CTNNA2: variants seen among roughly 807,000 people sequenced by gnomAD.
CTNNA2 encodes catenin alpha-2.
A neutral mutation model predicts 101.0 loss-of-function variants in CTNNA2; 42 were observed. The observed-to-expected ratio is 0.42, with a 90% CI of 0.32 to 0.54. The LOEUF is 0.54. Ranked by LOEUF, CTNNA2 falls within the 20% of genes least tolerant of loss-of-function variation. The pLI, the probability that CTNNA2 is intolerant of heterozygous loss-of-function variation, is 0.14. For synonymous variants in CTNNA2, 450 were observed against 456.4 expected, an observed-to-expected ratio of 0.99 and a Z score of 0.18; for missense variants, 871 against 1,223.1, an observed-to-expected ratio of 0.71 and a Z score of 4.29.
At chr2:80,512,716 A>G (rs1688805383) in intron 9 of CTNNA2, among the ~76,000 whole-genome samples, 1 of 151,872 alleles carries the variant, frequency 6.6e-6, no homozygotes, top group Admixed American at 6.6e-5. Flanking sequence ...AAGAATCACT[A>G]CATTTGTTCA....
chr2:80,361,038 G>A (rs1215738034), intron 7 of CTNNA2, among the ~76,000 whole-genome samples: 4 of 151,804 alleles, frequency 2.6e-5, no homozygotes, highest in Admixed American at 2.6e-4. Flanking sequence ...TATGAACAAG[G>A]TCCTCACATT....
At chr2:80,372,695 T>C (rs76372224) in intron 7 of CTNNA2, among the ~76,000 whole-genome samples, 35,773 of 151,470 alleles carry the variant, frequency 0.24, 4,317 homozygotes, top group East Asian at 0.37. Flanking sequence ...TTTTTTTTTT[T>C]TTATTGAGCC....
intron 1 of CTNNA2, among the ~76,000 whole-genome samples, chr2:79,604,278 A>G (rs1052854583): frequency 6.6e-6 from 1 of 152,200 alleles, no homozygotes; most frequent in African/African-American, 2.4e-5. Context: ...AGGTGGGAAG[A>G]TGGCATGAGG....
chr2:79,355,201 G>C (rs1203636875), intron 3 of CTNNA2, among the ~76,000 whole-genome samples: 1 of 152,006 alleles, frequency 6.6e-6, no homozygotes, highest in Non-Finnish European at 1.5e-5. Flanking sequence ...AGGTTGGTTT[G>C]GCTATTTGGG....
intron 7 of CTNNA2, among the ~76,000 whole-genome samples, chr2:80,325,905 A>G (rs1347837601): frequency 6.6e-6 from 1 of 152,180 alleles, no homozygotes; most frequent in African/African-American, 2.4e-5. Context: ...TGATTGGTTT[A>G]TGGTTACATT....
At chr2:79,818,007 T>C (rs1511196) in intron 3 of CTNNA2, among the ~76,000 whole-genome samples, 14,118 of 152,264 alleles carry the variant, frequency 0.093, 1,037 homozygotes, top group East Asian at 0.36. Context: ...GCTTCAATTT[T>C]TAATTTACTC....
Position 80,639,535 on chromosome 2 carries a change from G to GTGTGTGTGTGTGTGTGTGTC in CTNNA2, c.2575-8045_2575-8044insGTGTGTGTGTGTGTCTGTGT, listed in dbSNP as rs1224617726. On this transcript the variant is annotated intron_variant, in intron 18 of 18. Transcript: ENST00000402739. Reference sequence around the variant, plus strand: ...TTGATGTGTGTGTGTGTGTGTGTGTGTGTGTCTGTGTTTTTAACAATAAAT... The same window carrying GTGTGTGTGTGTGTGTGTGTC: ...TTGATGTGTGTGTGTGTGTGTGTGTGTGTGTGTGTGTGTGTGTGTCTGTGTCTGTGTTTTTAACAATAAAT... Among the ~76,000 whole-genome samples, 703 of 151,906 alleles carry GTGTGTGTGTGTGTGTGTGTC rather than the reference G, an allele frequency of 4.6e-3. 6 individuals carry two copies. The highest frequency in any genetic ancestry group is 0.016 in the African/African-American group (659 of 41,350).
At chr2:79,852,910 C>A (rs1013081168) in intron 3 of CTNNA2, among the ~76,000 whole-genome samples, 1 of 150,316 alleles carries the variant, frequency 6.7e-6, no homozygotes, top group Admixed American at 6.6e-5. Context: ...CCTCGTTTCC[C>A]GGGCTGGATG....
At chr2:80,609,405 A>T (rs1184826578) in intron 17 of CTNNA2, among the ~76,000 whole-genome samples, 2 of 151,726 alleles carry the variant, frequency 1.3e-5, no homozygotes, top group Non-Finnish European at 2.9e-5. Context: ...CACCATCTGG[A>T]AAGCCTGTTT....
intron 7 of CTNNA2, among the ~76,000 whole-genome samples, chr2:80,039,266 C>G (rs1695875365): frequency 6.6e-6 from 1 of 152,088 alleles, no homozygotes; most frequent in East Asian, 1.9e-4. Context: ...CACTATTTTT[C>G]TGGAAGCATA....
At chr2:80,635,271 CATT>C (rs912136013) in intron 18 of CTNNA2, among the ~76,000 whole-genome samples, 33 of 152,122 alleles carry the variant, frequency 2.2e-4, no homozygotes, top group Admixed American at 1.6e-3. Flanking sequence ...ATTTGGAGGG[CATT>C]ATTCTGTGTC....
intron 4 of CTNNA2, among the ~76,000 whole-genome samples, chr2:79,404,797 G>A (rs867142357): frequency 3.2e-4 from 49 of 152,108 alleles, no homozygotes; most frequent in Non-Finnish European, 1.9e-4. Flanking sequence ...GGTACTTTTA[G>A]TATTGTGGCA....
At chr2:80,304,252 C>T (rs1285482267) in intron 7 of CTNNA2, 11 of 156,124 alleles carry the variant, frequency 7.0e-5, no homozygotes, top group Non-Finnish European at 2.8e-5. Context: ...CCGAGGCAGC[C>T]CCGGTCCGCG....
intron 7 of CTNNA2, among the ~76,000 whole-genome samples, chr2:80,024,368 T>C (rs187394580): frequency 1.3e-5 from 2 of 152,192 alleles, no homozygotes; most frequent in African/African-American, 4.8e-5. Context: ...AACAGGCTTA[T>C]TGGGAAAGAT....
At chr2:80,613,327 G>GT (rs926401914) in intron 17 of CTNNA2, among the ~76,000 whole-genome samples, 3 of 151,344 alleles carry the variant, frequency 2.0e-5, no homozygotes, top group Admixed American at 6.6e-5. Flanking sequence ...CCTTTCTATG[G>GT]TTTTTTTCAC....
At chr2:79,551,636 G>A (rs1431824947) in intron 1 of CTNNA2, among the ~76,000 whole-genome samples, 1 of 152,148 alleles carries the variant, frequency 6.6e-6, no homozygotes, top group African/African-American at 2.4e-5. Flanking sequence ...AATTACCTGT[G>A]ACTGGGTAAT....
At chr2:80,588,909 T>C (rs1200195483) in intron 14 of CTNNA2, among the ~76,000 whole-genome samples, 5 of 152,192 alleles carry the variant, frequency 3.3e-5, no homozygotes, top group African/African-American at 9.7e-5. Context: ...TTTTTCTTTT[T>C]TTCCCTTCTC....
At chr2:80,201,575 C>T (rs1707215390) in intron 7 of CTNNA2, among the ~76,000 whole-genome samples, 11 of 151,838 alleles carry the variant, frequency 7.2e-5, no homozygotes, top group Admixed American at 7.2e-4. Flanking sequence ...TGGGGTTTCA[C>T]CGTGTTAGCT....
intron 4 of CTNNA2, among the ~76,000 whole-genome samples, chr2:79,447,593 C>A (rs1039517418): frequency 6.6e-6 from 1 of 151,966 alleles, no homozygotes; most frequent in Admixed American, 6.6e-5. Context: ...CAGTTTATTA[C>A]CTGCCATCCA....
Sources: gnomAD v4.1 joint callset for allele counts (sites outside exome capture counted in the v4.1 genomes callset) on GRCh38, gnomAD v4.1.1 for gene constraint, MANE v1.5 for transcripts, NCBI Gene and HGNC (gene_info 2026-07-23, HGNC 2026-07-21) for gene names.